The following HTR4 variants were observed in gnomAD, a reference collection of about 807,000 sequenced individuals.
HTR4 encodes 5-hydroxytryptamine (serotonin) receptor 4, G protein-coupled.
HTR4 carries 16 observed loss-of-function variants against 36.8 expected under a neutral mutation model. The observed-to-expected ratio is 0.43, with a 90% CI of 0.29 to 0.66. The LOEUF (loss-of-function observed/expected upper bound fraction) is 0.66. Ranked by LOEUF, HTR4 falls within the 30% of genes least tolerant of loss-of-function variation. The probability of loss-of-function intolerance (pLI) is 0.13; values close to 1 mark genes in which losing one functional copy is unlikely to be tolerated. For missense variants in HTR4, 438 were observed against 490.9 expected (o/e 0.89, Z 1.02); for synonymous variants, 189 against 185.1 (o/e 1.02, Z -0.17).
intron 5 of HTR4, 79 bp from the exon 6 acceptor site, chr5:148,510,103 G>C (rs940372641): frequency 3.2e-5 from 28 of 882,526 alleles, no homozygotes; most frequent in Non-Finnish European, 4.7e-5. Context: ...GGGAAAAATG[G>C]GGAAGAGTGT....
intron 2 of HTR4, among the ~76,000 whole-genome samples, chr5:148,553,776 C>T (rs749030351): frequency 6.6e-6 from 1 of 152,132 alleles, no homozygotes; most frequent in Non-Finnish European, 1.5e-5. Context: ...GCATTGCTGG[C>T]GGGAATGTAA....
chr5:148,651,079 G>A (rs1300483291), intron 1 of HTR4, among the ~76,000 whole-genome samples: 1 of 152,138 alleles, frequency 6.6e-6, no homozygotes, highest in Non-Finnish European at 1.5e-5. Flanking sequence ...TTACCGCATT[G>A]CTAAAATGAG....
At chr5:148,570,114 C>T (rs989529951) in intron 2 of HTR4, among the ~76,000 whole-genome samples, 1 of 151,964 alleles carries the variant, frequency 6.6e-6, no homozygotes, top group East Asian at 1.9e-4. Flanking sequence ...GGGTGTGAGC[C>T]CAGCTCCAAG....
chr5:148,629,823 G>A (rs1220342550), intron 2 of HTR4: 2 of 152,160 alleles, frequency 1.3e-5, no homozygotes, highest in Non-Finnish European at 2.9e-5. Context: ...AGCTGTATCT[G>A]TTATTTGCCA....
intron 6 of HTR4, among the ~76,000 whole-genome samples, chr5:148,500,862 A>G (rs1427152671): frequency 1.3e-5 from 2 of 152,244 alleles, no homozygotes; most frequent in African/African-American, 4.8e-5. Flanking sequence ...AAGATTGATA[A>G]TATTCAATGT....
intron 5 of HTR4, among the ~76,000 whole-genome samples, chr5:148,518,998 C>T (rs1757886695): frequency 6.6e-6 from 1 of 152,024 alleles, no homozygotes; most frequent in Non-Finnish European, 1.5e-5. Context: ...TTTTAAATGC[C>T]ATATGAACTG....
At chr5:148,616,393 T>A (rs1752690553) in intron 2 of HTR4, among the ~76,000 whole-genome samples, 1 of 152,176 alleles carries the variant, frequency 6.6e-6, no homozygotes, top group Admixed American at 6.5e-5. Flanking sequence ...GCCTGAGTTA[T>A]TTTAACATCT....
intron 1 of HTR4, among the ~76,000 whole-genome samples, chr5:148,647,651 C>A (rs1207352497): frequency 1.3e-5 from 2 of 152,192 alleles, no homozygotes; most frequent in East Asian, 1.9e-4. Context: ...GAGTTCGAGA[C>A]CAGCCTGGCC....
At chr5:148,454,766 G>A (rs1343336983) in intron 5 of HTR4, among the ~76,000 whole-genome samples, 1 of 152,172 alleles carries the variant, frequency 6.6e-6, no homozygotes, top group East Asian at 1.9e-4. Context: ...ATACAGAGGC[G>A]AGAAGTGAGG....
chr5:148,510,802 AAC>A (rs1757461488), intron 5 of HTR4, among the ~76,000 whole-genome samples: 1 of 152,250 alleles, frequency 6.6e-6, no homozygotes, highest in Admixed American at 6.5e-5. Flanking sequence ...AACACAGAGT[AAC>A]ACAGAGTAAC....
rs141718833 is a variant in HTR4, at chr5:148,654,084, G to A, written c.-70C>T. ...TACCCGCTGCCAGAGGCGAGGGAGC[G>A]AGGTGCCCTGGCAGATTCGAGCGGC... On this transcript the variant is annotated 5_prime_UTR_variant, in exon 1 of 7. Coordinates refer to ENST00000377888, the MANE Select transcript of HTR4 (RefSeq NM_000870.7). 1,984 of 985,320 alleles carry A rather than the reference G, an allele frequency of 2.0e-3. 38 individuals carry two copies. The African/African-American group carries it at 0.032, about 16-fold the overall frequency. 61.0% of individuals were successfully genotyped at this position (985,320 alleles called of 1,614,324 possible). A position where few individuals can be genotyped will look rare whatever the true frequency, so the allele number is the denominator to read the frequency against.
intron 6 of HTR4, among the ~76,000 whole-genome samples, chr5:148,483,639 C>T (rs1755998607): frequency 6.6e-6 from 1 of 152,136 alleles, no homozygotes; most frequent in Non-Finnish European, 1.5e-5. Context: ...TTTAATAGTT[C>T]ATTATATATT....
intron 6 of HTR4, among the ~76,000 whole-genome samples, chr5:148,497,184 T>A (rs1249123651): frequency 6.6e-6 from 1 of 150,390 alleles, no homozygotes; most frequent in Non-Finnish European, 1.5e-5. Context: ...TGGTGTTTTA[T>A]TTTTATTTTT....
rs951831815 is a variant in HTR4, at chr5:148,482,020, C to G, written c.*1183G>C. 67 of 994,522 alleles carry G rather than the reference C, an allele frequency of 6.7e-5. No individual in the cohort carries two copies. The highest frequency in any genetic ancestry group is 7.8e-5 in the Non-Finnish European group (65 of 835,492). The allele number at this position is 994,522 out of a possible 1,614,324, so 61.6% of individuals were successfully genotyped here. On this transcript the variant is annotated 3_prime_UTR_variant, in exon 7 of 7. Transcript: ENST00000377888. ...AAAGAAAACTTAAAGGTCCTCTAGT[C>G]CAAGCTTGAGTGCACAGATGTGGAA... is the stretch of plus-strand genomic sequence containing the variant.
At chr5:148,596,451 CA>C (rs1439506794) in intron 2 of HTR4, among the ~76,000 whole-genome samples, 1 of 152,154 alleles carries the variant, frequency 6.6e-6, no homozygotes, top group East Asian at 1.9e-4. Context: ...TCACCTCAAG[CA>C]ACTTTTTCAT....
At chr5:148,491,068 C>T (rs1756404788) in intron 6 of HTR4, among the ~76,000 whole-genome samples, 1 of 152,142 alleles carries the variant, frequency 6.6e-6, no homozygotes, top group African/African-American at 2.4e-5. Flanking sequence ...ATGGACTAAA[C>T]ACACATTTAC....
At chr5:148,501,290 G>A (rs1756923250) in intron 6 of HTR4, among the ~76,000 whole-genome samples, 2 of 152,146 alleles carry the variant, frequency 1.3e-5, no homozygotes, top group Non-Finnish European at 2.9e-5. Flanking sequence ...CATAGAGTGA[G>A]AAAAAGTTAT....
chr5:148,631,583 A>G (rs910051971), intron 2 of HTR4, among the ~76,000 whole-genome samples: 2 of 152,170 alleles, frequency 1.3e-5, no homozygotes, highest in Non-Finnish European at 2.9e-5. Flanking sequence ...TTACCATTTC[A>G]TTTCAGGCTT....
At chr5:148,488,918 C>A (rs551059323) in intron 6 of HTR4, among the ~76,000 whole-genome samples, 1 of 152,176 alleles carries the variant, frequency 6.6e-6, no homozygotes, top group Non-Finnish European at 1.5e-5. Context: ...ATTCTAATCC[C>A]TATGTACTTC....
Sources: gnomAD v4.1 joint callset for allele counts (sites outside exome capture counted in the v4.1 genomes callset) on GRCh38, gnomAD v4.1.1 for gene constraint, MANE v1.5 for transcripts, NCBI Gene and HGNC (gene_info 2026-07-23, HGNC 2026-07-21) for gene names.